The following PAXIP1 variants were observed in gnomAD, a reference collection of about 807,000 sequenced individuals.
PAXIP1 encodes the protein PAX-interacting protein 1.
In PAXIP1, 19 loss-of-function variants were observed where a neutral mutation model predicts 140.6. The observed-to-expected ratio is 0.14, with a 90% CI of 0.09 to 0.20. The LOEUF is 0.20. Ranked by LOEUF, PAXIP1 falls within the 10% of genes least tolerant of loss-of-function variation. PAXIP1 has a pLI of 1.00. For synonymous variants in PAXIP1, 442 were observed against 444.6 expected (o/e 0.99, Z 0.07); for missense variants, 920 against 1,208.6 (o/e 0.76, Z 3.54).
intron 6 of PAXIP1, among the ~76,000 whole-genome samples, chr7:154,971,807 G>A (rs1261322196): frequency 6.6e-6 from 1 of 152,136 alleles, no homozygotes; most frequent in African/African-American, 2.4e-5. Context: ...TTGATGGTAA[G>A]TTACACTCCC....
chr7:154,967,926 A>G lies in PAXIP1; in HGVS notation c.1799-16T>C, dbSNP rs1809095515. The stretch of plus-strand genomic sequence containing the variant: ...TCTTCTGGAACTAGAGTAAAATTAC[A>G]TAAGAAAAAGAAAATTAAAACCCTA... On this transcript the variant is annotated splice_polypyrimidine_tract_variant and intron_variant, in intron 7 of 20. Transcript: ENST00000404141. 2 of 1,572,498 alleles carry G rather than the reference A, an allele frequency of 1.3e-6. No homozygotes were observed. Among genetic ancestry groups the G allele is most frequent in the Non-Finnish European group, 1.7e-6 (2 of 1,148,376 alleles).
At chr7:154,974,990 CAAAA>C (rs59174178) in intron 6 of PAXIP1, among the ~76,000 whole-genome samples, 1 of 122,210 alleles carries the variant, frequency 8.2e-6, no homozygotes, top group African/African-American at 3.3e-5. Flanking sequence ...ACTAAAAATA[CAAAA>C]AAAAAAAAAA....
At chr7:155,001,410 A>T (rs1255823088) in intron 1 of PAXIP1, 1 of 152,168 alleles carries the variant, frequency 6.6e-6, no homozygotes, top group African/African-American at 2.4e-5. Flanking sequence ...AATCATCAAT[A>T]CTGGAAAAAG....
At chr7:154,955,392 A>G in intron 15 of PAXIP1, 137 bp downstream of exon 15, 1 of 599,822 alleles carries the variant, frequency 1.7e-6, no homozygotes, top group East Asian at 3.0e-5. Flanking sequence ...ACTACTAAAA[A>G]TACTTCATAA....
chr7:154,965,416 T>C (rs1487595140), intron 8 of PAXIP1: 1 of 152,250 alleles, frequency 6.6e-6, no homozygotes, highest in Non-Finnish European at 1.5e-5. Context: ...CCACTGGGTT[T>C]TGAGATAATC....
Position 154,989,606 on chromosome 7 carries a change from A to G in PAXIP1, c.324+1400T>C, listed in dbSNP as rs1489860970. ...GTAATTTGTAAAACGACTTTAAACAATAACAATTTGATTTTTTTCTAATAG... is the reference window on the plus strand; with the variant it reads ...GTAATTTGTAAAACGACTTTAAACAGTAACAATTTGATTTTTTTCTAATAG... On this transcript the variant is annotated intron_variant, in intron 4 of 20. Coordinates refer to ENST00000404141, the MANE Select transcript of PAXIP1 (RefSeq NM_007349.4). Among the ~76,000 whole-genome samples the G allele has an allele frequency of 2.0e-5, 3 of 152,192 alleles. No homozygotes were observed. In the East Asian group the frequency reaches 5.8e-4, roughly 29 times the overall value.
chr7:154,948,059 G>T, intron 16 of PAXIP1, 56 bp from the exon 17 acceptor site: 6 of 1,184,912 alleles, frequency 5.1e-6, no homozygotes, highest in Non-Finnish European at 7.6e-6. Flanking sequence ...AGTGTGGCAA[G>T]TGTGACCCAC....
chr7:155,002,083 T>C (rs1457522818), intron 1 of PAXIP1: 1 of 152,270 alleles, frequency 6.6e-6, no homozygotes, highest in Non-Finnish European at 1.5e-5. Context: ...TCAACTAAGA[T>C]GCATTCCTAC....
chr7:154,943,859 C>A lies in PAXIP1; in HGVS notation c.*290G>T. 4 of 380,668 alleles carry A rather than the reference C, an allele frequency of 1.1e-5. No individual in the cohort carries two copies. Among genetic ancestry groups the A allele is most frequent in the Non-Finnish European group, 9.8e-6 (2 of 204,910 alleles). The allele number at this position is 380,668 out of a possible 1,614,324, so 23.6% of individuals were successfully genotyped here. ...ACCATTTTATTTCTAGTTGAAGTCC[C>A]GTAACAGTTTTGTGAAAACATTTAA... On this transcript the variant is annotated 3_prime_UTR_variant, in exon 21 of 21. Transcript: ENST00000404141.
At chr7:154,994,511 T>C (rs1219685171) in intron 2 of PAXIP1, among the ~76,000 whole-genome samples, 1 of 152,178 alleles carries the variant, frequency 6.6e-6, no homozygotes, top group Non-Finnish European at 1.5e-5. Flanking sequence ...AAATATTTAT[T>C]GAGAATCTAT....
At chr7:154,966,263 G>A (rs1226785125) in intron 8 of PAXIP1, among the ~76,000 whole-genome samples, 1 of 152,118 alleles carries the variant, frequency 6.6e-6, no homozygotes, top group African/African-American at 2.4e-5. Context: ...CACTGCACTG[G>A]AGGCTCCCGA....
At chr7:154,999,744 G>C (rs1197528046) in intron 1 of PAXIP1, among the ~76,000 whole-genome samples, 2 of 152,170 alleles carry the variant, frequency 1.3e-5, no homozygotes, top group Non-Finnish European at 2.9e-5. Flanking sequence ...GTTAATATCT[G>C]GCAAGAGGCA....
At chr7:154,981,635 A>T (rs2150772424) in intron 5 of PAXIP1, among the ~76,000 whole-genome samples, 1 of 152,274 alleles carries the variant, frequency 6.6e-6, no homozygotes, top group Middle Eastern at 3.4e-3. Context: ...CTTTATCTAA[A>T]TGTAATTATA....
chr7:154,968,380 G>A (rs1281931090), intron 7 of PAXIP1, 23 bp downstream of exon 7: 2 of 1,511,608 alleles, frequency 1.3e-6, no homozygotes, highest in East Asian at 2.5e-5. Context: ...TAGGAGAGAG[G>A]AAAAATAATC....
intron 2 of PAXIP1, among the ~76,000 whole-genome samples, chr7:154,997,479 T>G (rs1810688197): frequency 6.6e-6 from 1 of 152,220 alleles, no homozygotes; most frequent in African/African-American, 2.4e-5. Context: ...CATACTGATT[T>G]CTTTTTAAGG....
chr7:155,002,203 A>G (rs1011537211), intron 1 of PAXIP1: 1 of 152,286 alleles, frequency 6.6e-6, no homozygotes, highest in African/African-American at 2.4e-5. Context: ...TTAAATGTGT[A>G]ATGTGATGGT....
intron 10 of PAXIP1, 36 bp from the exon 11 acceptor site, chr7:154,961,684 T>A: frequency 2.0e-6 from 3 of 1,531,482 alleles, no homozygotes; most frequent in Non-Finnish European, 2.6e-6. Context: ...AAACACAAAA[T>A]AAGCAAAAAA....
intron 5 of PAXIP1, among the ~76,000 whole-genome samples, chr7:154,980,274 G>T (rs990724482): frequency 6.6e-6 from 1 of 151,532 alleles, no homozygotes; most frequent in Non-Finnish European, 1.5e-5. Context: ...AATTTTATTG[G>T]AAACTGTCAC....
At chr7:154,962,265 T>C in intron 10 of PAXIP1, 56 bp downstream of exon 10, 1 of 1,597,730 alleles carries the variant, frequency 6.3e-7, no homozygotes, top group Non-Finnish European at 8.6e-7. Context: ...AGCAAGTGAT[T>C]ATTCGCCAAA....
Sources: allele counts gnomAD v4.1 joint callset (sites outside exome capture counted in the v4.1 genomes callset), GRCh38; gene constraint gnomAD v4.1.1; transcripts MANE v1.5; gene names NCBI Gene and HGNC (gene_info 2026-07-23, HGNC 2026-07-21).